S100A8: variants seen among roughly 807,000 people sequenced by gnomAD.
S100A8 encodes the protein protein S100-A8.
Under a neutral mutation model 4.2 loss-of-function variants are expected in S100A8, and 1 was observed. The observed-to-expected ratio is 0.24, with a 90% CI of 0.08 to 1.12. S100A8 has a LOEUF of 1.12. Among genes scored for constraint, S100A8 ranks in the 50% most tolerant of loss-of-function variants. The pLI, the probability that S100A8 is intolerant of heterozygous loss-of-function variation, is 0.53. For synonymous variants in S100A8, 41 were observed against 44.7 expected (o/e 0.92, Z 0.33); for missense variants, 96 against 111.8 (o/e 0.86, Z 0.64).
At chr1:153,404,767 C>A in the S100A8 span, among the ~76,000 whole-genome samples, 21 of 152,332 alleles carry the variant, frequency 1.4e-4, 1 homozygote, top group East Asian at 3.7e-3. Flanking sequence ...AGCCCTCTGC[C>A]TTTCAGAAGC....
At chr1:153,412,467 A>G in the S100A8 span, among the ~76,000 whole-genome samples, 1 of 152,246 alleles carries the variant, frequency 6.6e-6, no homozygotes, top group Non-Finnish European at 1.5e-5. Flanking sequence ...CGATCATTAA[A>G]AAGTCAGGAA....
chr1:153,417,797 G>A, the S100A8 span: 1 of 352,492 alleles, frequency 2.8e-6, no homozygotes, highest in African/African-American at 2.1e-5. Context: ...GACTCTCCCT[G>A]CTTCTCCTTC....
At chr1:153,390,727 A>T in intron 1 of S100A8, 170 bp from the exon 2 acceptor site, 1 of 808,470 alleles carries the variant, frequency 1.2e-6, no homozygotes, top group Non-Finnish European at 1.9e-6. Flanking sequence ...GATGATAGGG[A>T]TACACGTGTG....
At chr1:153,393,884 CT>C (rs755188427), upstream of S100A8, among the ~76,000 whole-genome samples, 1 of 152,290 alleles carries the variant, frequency 6.6e-6, no homozygotes, top group East Asian at 1.9e-4. Context: ...GGTCCTTCCC[CT>C]GGTCCAGTGA....
chr1:153,395,190 A>G (rs1298569469), upstream of S100A8, among the ~76,000 whole-genome samples: 1 of 152,022 alleles, frequency 6.6e-6, no homozygotes, highest in Non-Finnish European at 1.5e-5. Flanking sequence ...CATGTTGTAG[A>G]AAAAAACAGA....
chr1:153,391,174 A>G (rs1662089135), upstream of S100A8: 2 of 985,516 alleles, frequency 2.0e-6, no homozygotes, highest in Non-Finnish European at 2.4e-6. Flanking sequence ...GAGTTGCTAC[A>G]GTCTCTGGTT....
At chr1:153,391,769 G>A (rs1051034213), upstream of S100A8, among the ~76,000 whole-genome samples, 9 of 152,190 alleles carry the variant, frequency 5.9e-5, no homozygotes, top group South Asian at 2.1e-4. Context: ...GGGGTCCCTC[G>A]GCACTTCACA....
chr1:153,393,668 C>A (rs1431124077), upstream of S100A8, among the ~76,000 whole-genome samples: 1 of 152,212 alleles, frequency 6.6e-6, no homozygotes, highest in Admixed American at 6.5e-5. Flanking sequence ...CAAGGATCCA[C>A]CCTTGGTTAA....
chr1:153,393,839 C>A (rs370074685), upstream of S100A8, among the ~76,000 whole-genome samples: 31 of 152,336 alleles, frequency 2.0e-4, no homozygotes, highest in African/African-American at 7.5e-4. Flanking sequence ...CCCTATTTGA[C>A]AGATGGGGAA....
At chr1:153,395,000 G>A (rs189562936), upstream of S100A8, among the ~76,000 whole-genome samples, 11 of 152,264 alleles carry the variant, frequency 7.2e-5, no homozygotes, top group Non-Finnish European at 1.5e-5. Flanking sequence ...TGAAGGCAGA[G>A]GAGACCCTCC....
chr1:153,416,731 G>A, the S100A8 span, among the ~76,000 whole-genome samples: 1,601 of 152,328 alleles, frequency 0.011, 17 homozygotes, highest in Non-Finnish European at 0.014. Context: ...AAAAGCCCAC[G>A]TCTGTACAAC....
the S100A8 span, among the ~76,000 whole-genome samples, chr1:153,397,179 C>A: frequency 1.3e-5 from 2 of 152,274 alleles, no homozygotes; most frequent in African/African-American, 4.8e-5. Context: ...CAAGGCAGGG[C>A]AGTGCCTTCC....
the S100A8 span, among the ~76,000 whole-genome samples, chr1:153,401,987 G>A: frequency 1.3e-5 from 2 of 152,134 alleles, no homozygotes; most frequent in Admixed American, 6.5e-5. Flanking sequence ...TATCTGAAAT[G>A]TGTGTTAGAT....
chr1:153,397,905 G>A, the S100A8 span, among the ~76,000 whole-genome samples: 39 of 152,302 alleles, frequency 2.6e-4, no homozygotes, highest in East Asian at 1.2e-3. Flanking sequence ...GTACCCAGGC[G>A]GGGCTGTGAC....
chr1:153,392,534 T>TC (rs1359222110), upstream of S100A8, among the ~76,000 whole-genome samples: 1 of 152,260 alleles, frequency 6.6e-6, no homozygotes, highest in African/African-American at 2.4e-5. Context: ...GTTTGTACAT[T>TC]CATGTTCATA....
chr1:153,411,786 A>G, the S100A8 span, among the ~76,000 whole-genome samples: 2 of 152,258 alleles, frequency 1.3e-5, no homozygotes, highest in African/African-American at 4.8e-5. Flanking sequence ...AAACAGAGGT[A>G]TAGAGCAATG....
At chr1:153,414,163 T>A in the S100A8 span, among the ~76,000 whole-genome samples, 2 of 152,192 alleles carry the variant, frequency 1.3e-5, no homozygotes, top group African/African-American at 4.8e-5. Context: ...AACTCCTAGA[T>A]GGTAGCATAA....
At chr1:153,390,649 C>G (rs1208620824) in intron 1 of S100A8, 92 bp from the exon 2 acceptor site, 9 of 1,501,416 alleles carry the variant, frequency 6.0e-6, no homozygotes. Context: ...AAGCGATGGC[C>G]TTGTCCTGGC....
At chr1:153,390,722 T>C in intron 1 of S100A8, 165 bp from the exon 2 acceptor site, 2 of 837,478 alleles carry the variant, frequency 2.4e-6, no homozygotes, top group South Asian at 1.7e-5. Context: ...GGTGGGATGA[T>C]AGGGATACAC....
Sources: gnomAD v4.1 joint callset for allele counts (sites outside exome capture counted in the v4.1 genomes callset) on GRCh38, gnomAD v4.1.1 for gene constraint, MANE v1.5 for transcripts, NCBI Gene and HGNC (gene_info 2026-07-23, HGNC 2026-07-21) for gene names.